The following ADCK5 variants were observed in gnomAD, a reference collection of about 807,000 sequenced individuals.
ADCK5 encodes the protein aarF domain containing kinase 5.
A neutral mutation model predicts 64.9 loss-of-function variants in ADCK5; 43 were observed. The observed-to-expected ratio is 0.66, with a 90% confidence interval of 0.52 to 0.85. The LOEUF (loss-of-function observed/expected upper bound fraction) is 0.85. Among genes scored for constraint, ADCK5 ranks in the 40% least tolerant of loss-of-function variants. The pLI is 0.00. For missense variants in ADCK5, 760 were observed against 810.5 expected (o/e 0.94, Z 0.76); for synonymous variants, 434 against 342.8 (o/e 1.27, Z -2.94).
chr8:144,382,236 G>A (rs1343253990), intron 2 of ADCK5, among the ~76,000 whole-genome samples: 1 of 152,048 alleles, frequency 6.6e-6, no homozygotes, highest in Admixed American at 6.5e-5. Context: ...TATGGGCCGG[G>A]TGTAGAAACA....
At chr8:144,392,398 G>A (rs1820306673) in intron 12 of ADCK5, 47 bp from the exon 13 acceptor site, 5 of 1,492,612 alleles carry the variant, frequency 3.3e-6, no homozygotes, top group South Asian at 1.3e-5. Flanking sequence ...CGGGCGGCGC[G>A]GAACCCACTC....
chr8:144,380,421 C>T (rs1819557955), intron 2 of ADCK5, among the ~76,000 whole-genome samples: 1 of 149,970 alleles, frequency 6.7e-6, no homozygotes, highest in Admixed American at 6.6e-5. Context: ...GATGTGTGCT[C>T]AGGCACCTGC....
intron 2 of ADCK5, among the ~76,000 whole-genome samples, chr8:144,382,465 C>T (rs535621288): frequency 3.9e-5 from 6 of 152,300 alleles, no homozygotes; most frequent in East Asian, 1.9e-4. Flanking sequence ...CTGTATTCAG[C>T]GAGTATTAGA....
chr8:144,390,576 G>A (rs1383095), intron 3 of ADCK5, 95 bp from the exon 4 acceptor site: 487,960 of 1,298,604 alleles, frequency 0.38, 97,141 homozygotes, highest in East Asian at 0.66. Context: ...AGGGCTGGCC[G>A]GGGTGAGGCT....
chr8:144,388,879 G>C (rs768715468), intron 3 of ADCK5, among the ~76,000 whole-genome samples: 1 of 152,250 alleles, frequency 6.6e-6, no homozygotes, highest in African/African-American at 2.4e-5. Context: ...GTTGATGGGG[G>C]ACACAGAGTC....
In ADCK5 at chr8:144,383,243, G is replaced by A; in HGVS notation, c.266+13G>A. On this transcript the variant is annotated intron_variant, in intron 3 of 14. Transcript: ENST00000308860. ...GGCGCTTTGGCAGGTAGGAGGGCCTGGCGGCAGGCAGGGGTTGCGGCGTGG... is the reference window on the plus strand; with the variant it reads ...GGCGCTTTGGCAGGTAGGAGGGCCTAGCGGCAGGCAGGGGTTGCGGCGTGG... 1.3e-6 allele frequency: 2 copies of A among 1,558,392 alleles called. No homozygotes were observed. Among genetic ancestry groups the A allele is most frequent in the Non-Finnish European group, 1.7e-6 (2 of 1,150,892 alleles).
intron 3 of ADCK5, among the ~76,000 whole-genome samples, chr8:144,386,716 T>A (rs1554859346): frequency 6.6e-6 from 1 of 152,178 alleles, no homozygotes; most frequent in East Asian, 1.9e-4. Flanking sequence ...AAATCTCCAG[T>A]TTCTCAGAAA....
At chr8:144,383,044 G>C in intron 2 of ADCK5, 37 bp from the exon 3 acceptor site, 1 of 1,569,370 alleles carries the variant, frequency 6.4e-7, no homozygotes, top group Non-Finnish European at 8.6e-7. Context: ...GCTGAATGTG[G>C]GGGGCGGCGC....
chr8:144,380,894 A>T (rs1384370917), intron 2 of ADCK5, among the ~76,000 whole-genome samples: 2 of 82,216 alleles, frequency 2.4e-5, no homozygotes, highest in Non-Finnish European at 4.8e-5. Context: ...GGGTGTAGAA[A>T]CTGATGTGTG....
intron 3 of ADCK5, among the ~76,000 whole-genome samples, chr8:144,387,131 C>T (rs1277146828): frequency 2.0e-5 from 3 of 152,174 alleles, no homozygotes; most frequent in African/African-American, 4.8e-5. Context: ...TGTGCTCATG[C>T]GTGGCCAGAG....
chr8:144,373,580 G>A (rs569642833), upstream of ADCK5, among the ~76,000 whole-genome samples: 2 of 152,214 alleles, frequency 1.3e-5, no homozygotes, highest in Non-Finnish European at 2.9e-5. Context: ...GCTGCTCCAG[G>A]ACCCCTTTGG....
At position 144,391,663 on chromosome 8, in the gene ADCK5, C is replaced by T; in HGVS notation, c.882C>T (p.His294=). 1 of 1,544,788 alleles carries T rather than the reference C, an allele frequency of 6.5e-7. No individual in the cohort carries two copies. The highest frequency in any genetic ancestry group is 8.7e-7 in the Non-Finnish European group (1 of 1,149,172). The change falls in exon 8 of 15, where the codon CAC becomes CAT. Residue 294 remains histidine, a synonymous_variant. Transcript: ENST00000308860. ...AGCGCTGTGCGCGGGAGCTGGCGCA[C>T]TTCCCCTACGTCGTGGTGCCCCGCG... is the stretch of plus-strand genomic sequence containing the variant. ...NAERCARELA[H]FPYVVVPRVH...
Position 144,374,059 on chromosome 8 carries a change from G to A in ADCK5, c.-37G>A. ...CCTGCTGGGCTGCGAGACGCTAAGC[G>A]GCGCCGGGCGGGAGAAGAGCGGAGC... On this transcript the variant is annotated 5_prime_UTR_variant, in exon 1 of 15. Coordinates refer to ENST00000308860, the MANE Select transcript of ADCK5 (RefSeq NM_174922.5). 8.0e-7 allele frequency: 1 copy of A among 1,245,586 alleles called. No individual in the cohort carries two copies. The highest frequency in any genetic ancestry group is 1.0e-6 in the Non-Finnish European group (1 of 988,324). The allele number at this position is 1,245,586 out of a possible 1,614,324, so 77.2% of individuals were successfully genotyped here. A position where few individuals can be genotyped will look rare whatever the true frequency, so the allele number is the denominator to read the frequency against.
rs57163713 is a variant in ADCK5, at chr8:144,381,585, C to A, written c.117-1496C>A. Among the ~76,000 whole-genome samples the A allele has an allele frequency of 1.3e-3, 177 of 134,888 alleles. 1 individual carries two copies. Among genetic ancestry groups the A allele is most frequent in the African/African-American group, 5.1e-3 (176 of 34,686 alleles). The allele number at this position is 134,888 out of a possible 152,430, so 88.5% of individuals were successfully genotyped here. Reference sequence around the variant, plus strand: ...ACCTGCCGCACTCAGGATTATGGGCCGGGTGCAGAAACAGATGTGTGCTCA... The same window carrying A: ...ACCTGCCGCACTCAGGATTATGGGCAGGGTGCAGAAACAGATGTGTGCTCA... On this transcript the variant is annotated intron_variant, in intron 2 of 14. Transcript: ENST00000308860.
intron 2 of ADCK5, among the ~76,000 whole-genome samples, chr8:144,382,112 A>C (rs369294937): frequency 4.5e-5 from 6 of 134,030 alleles, no homozygotes; most frequent in Admixed American, 7.2e-5. Flanking sequence ...CTGCTGCACT[A>C]AGGATTATGG....
intron 3 of ADCK5, among the ~76,000 whole-genome samples, chr8:144,385,377 T>A (rs1819871770): frequency 6.6e-6 from 1 of 151,380 alleles, no homozygotes; most frequent in Non-Finnish European, 1.5e-5. Context: ...AGAGACAGGG[T>A]TTCGTCATGT....
At chr8:144,389,037 G>A (rs906197177) in intron 3 of ADCK5, among the ~76,000 whole-genome samples, 2 of 152,198 alleles carry the variant, frequency 1.3e-5, no homozygotes, top group Non-Finnish European at 2.9e-5. Context: ...CTGTGCACCT[G>A]TGTGTGGTCT....
Position 144,392,100 on chromosome 8 carries a change from C to T in ADCK5, c.1105C>T (p.Arg369Trp), listed in dbSNP as rs782000623. 3.1e-6 allele frequency: 5 copies of T among 1,607,934 alleles called. No individual in the cohort carries two copies. The highest frequency in any genetic ancestry group is 1.3e-5 in the African/African-American group (1 of 74,394). Residue 369 changes from arginine to tryptophan, a missense_variant, in exon 11 of 15, where the codon CGG becomes TGG. Coordinates refer to ENST00000308860, the MANE Select transcript of ADCK5 (RefSeq NM_174922.5). ...SDPHPGNVLVRKGPDGKAELV... is the reference protein window; with the variant it reads ...SDPHPGNVLVWKGPDGKAELV... ...AGAGGCTGTATCCCTAGTTCTGGTG[C>T]GGAAAGGCCCGGACGGGAAAGCGGA...
rs1237640313 is a variant in ADCK5, at chr8:144,384,810, C to G, written c.266+1580C>G. On this transcript the variant is annotated intron_variant, in intron 3 of 14. Coordinates refer to ENST00000308860, the MANE Select transcript of ADCK5 (RefSeq NM_174922.5). This position sits in a 1 kb window ranked among gnomAD's most constrained non-coding sequence, Gnocchi z 5.7. ...CTCACTTTGTGGGAAAACATCTTCT[C>G]ACAGCTCGCTCTCAGGGGCTGAGCT... Among the ~76,000 whole-genome samples, 2 of 152,198 alleles carry G rather than the reference C, an allele frequency of 1.3e-5. No homozygotes were observed. The highest frequency in any genetic ancestry group is 2.9e-5 in the Non-Finnish European group (2 of 68,044).
Sources: allele counts gnomAD v4.1 joint callset (sites outside exome capture counted in the v4.1 genomes callset), GRCh38; gene constraint gnomAD v4.1.1; non-coding constraint Gnocchi (gnomAD v3.1); transcripts MANE v1.5; gene names NCBI Gene and HGNC (gene_info 2026-07-23, HGNC 2026-07-21).